KCNG3: variants seen among roughly 807,000 people sequenced by gnomAD.
KCNG3 encodes potassium voltage-gated channel modifier subfamily G member 3.
In KCNG3, 15 loss-of-function variants were observed where a neutral mutation model predicts 29.0. The ratio of observed to expected loss-of-function variants is 0.52; its 90% CI spans 0.35 to 0.80. The LOEUF (loss-of-function observed/expected upper bound fraction) is 0.80. Ranked by LOEUF, KCNG3 falls within the 30% of genes least tolerant of loss-of-function variation. The probability of loss-of-function intolerance (pLI) is 0.01; values close to 1 mark genes in which losing one functional copy is unlikely to be tolerated. For missense variants in KCNG3, 512 were observed against 605.7 expected, an observed-to-expected ratio of 0.85 and a Z score of 1.62; for synonymous variants, 322 against 248.9, an observed-to-expected ratio of 1.29 and a Z score of -2.76.
At chr2:42,398,984 C>A in the KCNG3 span, among the ~76,000 whole-genome samples, 7 of 151,374 alleles carry the variant, frequency 4.6e-5, no homozygotes. Flanking sequence ...CTTTTGTGAA[C>A]TGCCTGTTCA....
chr2:42,409,850 G>A, the KCNG3 span, among the ~76,000 whole-genome samples: 1 of 151,574 alleles, frequency 6.6e-6, no homozygotes, highest in Admixed American at 6.6e-5. Context: ...GCTATAACGT[G>A]ATTGACAATT....
chr2:42,472,336 A>G (rs1425284049), intron 1 of KCNG3, among the ~76,000 whole-genome samples: 1 of 152,224 alleles, frequency 6.6e-6, no homozygotes, highest in South Asian at 2.1e-4. Context: ...TGATTATACC[A>G]TTATAAAAAC....
Position 42,493,830 on chromosome 2 carries a change from G to T in KCNG3, c.-329C>A, listed in dbSNP as rs1019555762. The T allele has an allele frequency of 3.1e-5, 7 of 224,236 alleles. No individual in the cohort carries two copies. The highest frequency in any genetic ancestry group is 6.9e-5 in the African/African-American group (3 of 43,714). The allele number at this position is 224,236 out of a possible 1,614,324, so 13.9% of individuals were successfully genotyped here. ...CCCGAGGGCTGCGCACACCGAGGCCGCGGTGCCCTCTCCCAAGCCGCGGGG... is the reference window on the plus strand; with the variant it reads ...CCCGAGGGCTGCGCACACCGAGGCCTCGGTGCCCTCTCCCAAGCCGCGGGG... On this transcript the variant is annotated 5_prime_UTR_variant, in exon 1 of 2. Transcript: ENST00000306078.
chr2:42,424,031 G>A, the KCNG3 span, among the ~76,000 whole-genome samples: 1 of 152,046 alleles, frequency 6.6e-6, no homozygotes, highest in Non-Finnish European at 1.5e-5. Context: ...TCTTTCCCCA[G>A]AGCCTTTAGG....
chr2:42,430,028 G>A, the KCNG3 span, among the ~76,000 whole-genome samples: 1 of 152,086 alleles, frequency 6.6e-6, no homozygotes, highest in Non-Finnish European at 1.5e-5. Flanking sequence ...ATTTTTGAGA[G>A]ACTGCTGGCT....
chr2:42,470,137 G>C (rs1673250870), intron 1 of KCNG3: 6 of 437,656 alleles, frequency 1.4e-5, no homozygotes, highest in South Asian at 1.2e-4. Context: ...GAAAGGATAA[G>C]GATGCTAAAT....
intron 1 of KCNG3, among the ~76,000 whole-genome samples, chr2:42,470,978 C>A (rs1452465410): frequency 6.6e-6 from 1 of 151,914 alleles, no homozygotes; most frequent in East Asian, 1.9e-4. Context: ...ACAGTGAGAT[C>A]CTAACTCTAC....
chr2:42,407,789 C>A, the KCNG3 span, among the ~76,000 whole-genome samples: 2 of 151,878 alleles, frequency 1.3e-5, no homozygotes, highest in Admixed American at 1.3e-4. Flanking sequence ...CAAGCAGGAG[C>A]CCTGCCCTCC....
intron 1 of KCNG3, among the ~76,000 whole-genome samples, chr2:42,486,942 A>G (rs1296016043): frequency 1.3e-5 from 2 of 152,044 alleles, no homozygotes; most frequent in Non-Finnish European, 2.9e-5. Flanking sequence ...GTGGATCACA[A>G]GGTCAGGAGT....
chr2:42,429,258 T>C, the KCNG3 span, among the ~76,000 whole-genome samples: 4 of 152,176 alleles, frequency 2.6e-5, no homozygotes, highest in African/African-American at 9.7e-5. Context: ...AGAGGAACTT[T>C]AAGTGTAGAT....
the KCNG3 span, among the ~76,000 whole-genome samples, chr2:42,430,449 T>C: frequency 1.3e-5 from 2 of 151,876 alleles, no homozygotes; most frequent in Admixed American, 6.6e-5. Context: ...ATTTTCAAAA[T>C]ACTTAAAAAT....
the KCNG3 span, among the ~76,000 whole-genome samples, chr2:42,420,138 C>A: frequency 3.3e-5 from 5 of 152,074 alleles, no homozygotes; most frequent in East Asian, 1.9e-4. Context: ...GCAGGAGAAT[C>A]GCTTGAACCC....
chr2:42,399,739 C>G, the KCNG3 span, among the ~76,000 whole-genome samples: 2 of 152,086 alleles, frequency 1.3e-5, no homozygotes, highest in African/African-American at 4.8e-5. Flanking sequence ...AGTTCCCATC[C>G]CCTCTCAGCT....
intron 1 of KCNG3, among the ~76,000 whole-genome samples, chr2:42,454,729 A>G (rs2103679067): frequency 6.6e-6 from 1 of 152,252 alleles, no homozygotes; most frequent in African/African-American, 2.4e-5. Flanking sequence ...AAAAAGAAAG[A>G]AAGGAAATCC....
the KCNG3 span, among the ~76,000 whole-genome samples, chr2:42,423,826 G>A: frequency 6.6e-6 from 1 of 150,514 alleles, no homozygotes; most frequent in Non-Finnish European, 1.5e-5. Context: ...AAAAGCAGAT[G>A]ATGACAGTAA....
At chr2:42,450,271 T>G (rs1015958231) in intron 1 of KCNG3, among the ~76,000 whole-genome samples, 2 of 152,170 alleles carry the variant, frequency 1.3e-5, no homozygotes. Flanking sequence ...GCCCACACCT[T>G]AGGTCAGATG....
chr2:42,463,459 T>G (rs1348884261), intron 1 of KCNG3: 2 of 162,758 alleles, frequency 1.2e-5, no homozygotes, highest in Non-Finnish European at 2.7e-5. Flanking sequence ...GTCATTCACA[T>G]AAGTGTGAAG....
At chr2:42,389,998 G>C in the KCNG3 span, among the ~76,000 whole-genome samples, 1 of 152,182 alleles carries the variant, frequency 6.6e-6, no homozygotes, top group Non-Finnish European at 1.5e-5. Context: ...CAGAGATTTA[G>C]AGAAAGTGAC....
At chr2:42,475,691 A>G (rs1673406549) in intron 1 of KCNG3, among the ~76,000 whole-genome samples, 1 of 151,878 alleles carries the variant, frequency 6.6e-6, no homozygotes, top group African/African-American at 2.4e-5. Flanking sequence ...ATTGTGTCAA[A>G]TTTTTTCATC....
Sources: gnomAD v4.1 joint callset for allele counts (sites outside exome capture counted in the v4.1 genomes callset) on GRCh38, gnomAD v4.1.1 for gene constraint, MANE v1.5 for transcripts, NCBI Gene and HGNC (gene_info 2026-07-23, HGNC 2026-07-21) for gene names.